Variants in TAFA1 observed in about 807,000 individuals in gnomAD.
TAFA1 encodes the protein chemokine-like protein TAFA-1.
Under a neutral mutation model 18.5 loss-of-function variants are expected in TAFA1, and 4 were observed. The ratio of observed to expected loss-of-function variants is 0.22; its 90% CI spans 0.11 to 0.49. TAFA1 has a LOEUF of 0.49. Ranked by LOEUF, TAFA1 falls within the 20% of genes least tolerant of loss-of-function variation. The pLI, the probability that TAFA1 is intolerant of heterozygous loss-of-function variation, is 0.98. For synonymous variants in TAFA1, 56 were observed against 55.2 expected (o/e 1.01, Z -0.06); for missense variants, 147 against 169.0 (o/e 0.87, Z 0.72).
At chr3:68,414,913 G>A (rs1326084169) in intron 2 of TAFA1, among the ~76,000 whole-genome samples, 1 of 152,176 alleles carries the variant, frequency 6.6e-6, no homozygotes, top group Admixed American at 6.5e-5. Flanking sequence ...GAGCCAAGAG[G>A]TGACTTTAAA....
chr3:68,514,285 T>C (rs1290934641), intron 3 of TAFA1, among the ~76,000 whole-genome samples: 2 of 152,302 alleles, frequency 1.3e-5, no homozygotes, highest in South Asian at 2.1e-4. Flanking sequence ...TATATAGATA[T>C]GGCAAAATAT....
At chr3:68,474,560 G>A (rs967040904) in intron 3 of TAFA1, among the ~76,000 whole-genome samples, 1 of 152,218 alleles carries the variant, frequency 6.6e-6, no homozygotes, top group Non-Finnish European at 1.5e-5. Flanking sequence ...TGCAGACTTG[G>A]TCTCTAGTAA....
At chr3:68,207,766 G>A (rs942781058) in intron 2 of TAFA1, among the ~76,000 whole-genome samples, 2 of 151,922 alleles carry the variant, frequency 1.3e-5, no homozygotes, top group Non-Finnish European at 2.9e-5. Flanking sequence ...CTTACTATAT[G>A]TCAGGCACTG....
chr3:68,053,149 A>G (rs2064492826), intron 2 of TAFA1, among the ~76,000 whole-genome samples: 1 of 152,138 alleles, frequency 6.6e-6, no homozygotes, highest in Admixed American at 6.6e-5. Context: ...CAAAGTCTTC[A>G]CGACTTTTTC....
chr3:68,424,451 T>G (rs1396878916), intron 3 of TAFA1, among the ~76,000 whole-genome samples: 1 of 152,034 alleles, frequency 6.6e-6, no homozygotes, highest in African/African-American at 2.4e-5. Flanking sequence ...GTCTTACAGT[T>G]TATAACTATT....
intron 3 of TAFA1, among the ~76,000 whole-genome samples, chr3:68,465,241 T>C (rs888498712): frequency 1.3e-5 from 2 of 152,186 alleles, no homozygotes; most frequent in Non-Finnish European, 2.9e-5. Flanking sequence ...TGAATACTAC[T>C]GGGAACAACT....
At chr3:68,476,714 T>G (rs2072103973) in intron 3 of TAFA1, among the ~76,000 whole-genome samples, 1 of 152,178 alleles carries the variant, frequency 6.6e-6, no homozygotes. Context: ...CCCATCCTTT[T>G]ACATTCATAG....
At position 68,175,006 on chromosome 3, in the gene TAFA1, A is replaced by G. The variant is rs547931009; in HGVS notation, c.118+168262A>G. Among the ~76,000 whole-genome samples the G allele has an allele frequency of 2.6e-4, 40 of 152,338 alleles. 1 individual carries two copies. Among genetic ancestry groups the G allele is most frequent in the Admixed American group, 2.6e-3 (40 of 15,310 alleles). On this transcript the variant is annotated intron_variant, in intron 2 of 4. Transcript: ENST00000478136. The stretch of plus-strand genomic sequence containing the variant: ...CTCCAGCCATGGCTGAAAGGGGCCA[A>G]TGAAGAGCTCAGGTCATGGCTTCAG...
chr3:68,298,838 C>A (rs1346741093), intron 2 of TAFA1, among the ~76,000 whole-genome samples: 1 of 152,158 alleles, frequency 6.6e-6, no homozygotes, highest in African/African-American at 2.4e-5. Flanking sequence ...TTATAAATTA[C>A]CCAGTCTCAG....
At chr3:68,307,599 CT>C (rs768068575) in intron 2 of TAFA1, among the ~76,000 whole-genome samples, 86 of 152,010 alleles carry the variant, frequency 5.7e-4, no homozygotes, top group Non-Finnish European at 9.9e-4. Flanking sequence ...AGATTTGCCT[CT>C]ACTTTTTTTT....
intron 2 of TAFA1, among the ~76,000 whole-genome samples, chr3:68,282,056 C>G (rs539289357): frequency 4.6e-5 from 7 of 152,208 alleles, no homozygotes; most frequent in African/African-American, 1.7e-4. Flanking sequence ...AAGGTGGCAG[C>G]AAGAGGAAGT....
intron 2 of TAFA1, among the ~76,000 whole-genome samples, chr3:68,272,985 A>G (rs1455710360): frequency 6.6e-6 from 1 of 152,090 alleles, no homozygotes; most frequent in Non-Finnish European, 1.5e-5. Context: ...CCGTATCTCT[A>G]TGCTATCCAT....
At chr3:68,040,820 A>T (rs534140181) in intron 2 of TAFA1, among the ~76,000 whole-genome samples, 2 of 152,312 alleles carry the variant, frequency 1.3e-5, no homozygotes, top group South Asian at 2.1e-4. Context: ...GCCTTTTATA[A>T]TTTACATTTA....
intron 2 of TAFA1, among the ~76,000 whole-genome samples, chr3:68,337,439 A>T (rs2068992475): frequency 6.6e-6 from 1 of 152,114 alleles, no homozygotes; most frequent in Non-Finnish European, 1.5e-5. Context: ...AACACTGGGG[A>T]TTACAACTGG....
At chr3:68,342,764 G>A (rs557434592) in intron 2 of TAFA1, among the ~76,000 whole-genome samples, 3 of 152,282 alleles carry the variant, frequency 2.0e-5, no homozygotes, top group East Asian at 1.9e-4. Flanking sequence ...TATCCTTCAA[G>A]AGGCAAAGTC....
chr3:68,469,122 G>T (rs114765261), intron 3 of TAFA1, among the ~76,000 whole-genome samples: 1,740 of 151,162 alleles, frequency 0.012, 44 homozygotes, highest in African/African-American at 0.04. Context: ...GTATTTTTAC[G>T]GTTTTTAAAA....
At chr3:68,363,272 G>A (rs1271668462) in intron 2 of TAFA1, among the ~76,000 whole-genome samples, 3 of 151,994 alleles carry the variant, frequency 2.0e-5, no homozygotes, top group Non-Finnish European at 4.4e-5. Context: ...GAATGAGAGC[G>A]GCACACATGA....
rs184188582 is a variant in TAFA1 at position 68,367,915 on chromosome 3, T to C, written c.119-49365T>C. 3.4e-3 allele frequency among the ~76,000 whole-genome samples: 521 copies of C among 152,304 alleles called. 2 individuals are homozygous for C. The highest frequency in any genetic ancestry group is 0.012 in the African/African-American group (495 of 41,564). ...GTGGTTCTATTGTTTGTGTAACTAA[T>C]GTTCAACATTAATGGCTCACTTAGC... On this transcript the variant is annotated intron_variant, in intron 2 of 4. Coordinates refer to ENST00000478136, the MANE Select transcript of TAFA1 (RefSeq NM_213609.4).
intron 2 of TAFA1, among the ~76,000 whole-genome samples, chr3:68,287,314 T>C (rs1445963724): frequency 6.6e-6 from 1 of 152,218 alleles, no homozygotes; most frequent in East Asian, 1.9e-4. Context: ...TGCCCTTCGT[T>C]CATCTCCTGC....
Sources: allele counts gnomAD v4.1 joint callset (sites outside exome capture counted in the v4.1 genomes callset), GRCh38; gene constraint gnomAD v4.1.1; transcripts MANE v1.5; gene names NCBI Gene and HGNC (gene_info 2026-07-23, HGNC 2026-07-21).